Variants in AMD1 observed in about 807,000 individuals in gnomAD.
AMD1 encodes S-adenosylmethionine decarboxylase proenzyme.
A neutral mutation model predicts 40.2 loss-of-function variants in AMD1; 11 were observed. The ratio of observed to expected loss-of-function variants is 0.27; its 90% CI spans 0.17 to 0.45. AMD1 has a LOEUF of 0.45. Among genes scored for constraint, AMD1 ranks in the 20% least tolerant of loss-of-function variants. The pLI is 1.00. For missense variants in AMD1, 257 were observed against 410.2 expected, an observed-to-expected ratio of 0.63 and a Z score of 3.23; for synonymous variants, 121 against 130.8, an observed-to-expected ratio of 0.93 and a Z score of 0.51.
rs1470541573 is a variant in AMD1 at position 110,892,151 on chromosome 6, C to G, written c.428-10C>G. On this transcript the variant is annotated splice_polypyrimidine_tract_variant and intron_variant, in intron 4 of 8. Transcript: ENST00000368885. ...TGTTATATTTATTTTGCGTTCTCTT[C>G]CCTCAACAGATGGAGCAGCATATTG... 2 of 1,613,350 alleles carry G rather than the reference C, an allele frequency of 1.2e-6. No individual in the cohort carries two copies. The highest frequency in any genetic ancestry group is 1.7e-6 in the Non-Finnish European group (2 of 1,179,976).
chr6:110,826,271 C>CCA, the AMD1 span, among the ~76,000 whole-genome samples: 1 of 59,346 alleles, frequency 1.7e-5, no homozygotes, highest in African/African-American at 6.9e-5. Context: ...GACACCATCC[C>CCA]AAAAAAAAAA....
rs1027040848 is a variant in AMD1 at position 110,894,493 on chromosome 6, A to G, written c.*877A>G. On this transcript the variant is annotated 3_prime_UTR_variant, in exon 9 of 9. Transcript: ENST00000368885. ...GAGTTGTAGATTGAGATTAGGGTGT[A>G]CTGGCTGAACTGTGGAAAACATACA... The G allele has an allele frequency of 6.6e-6, 1 of 152,246 alleles. No homozygotes were observed. Among genetic ancestry groups the G allele is most frequent in the African/African-American group, 2.4e-5 (1 of 41,470 alleles). The allele number at this position is 152,246 out of a possible 1,614,324, so 9.4% of individuals were successfully genotyped here. A position where few individuals can be genotyped will look rare whatever the true frequency, so the allele number is the denominator to read the frequency against.
chr6:110,890,152 C>T (rs555342394), intron 3 of AMD1, 102 bp from the exon 4 acceptor site: 19 of 841,244 alleles, frequency 2.3e-5, no homozygotes, highest in Admixed American at 1.7e-4. Flanking sequence ...TTGATTTTGC[C>T]GAGTTTTTGA....
At chr6:110,823,777 GA>G in the AMD1 span, among the ~76,000 whole-genome samples, 1 of 151,930 alleles carries the variant, frequency 6.6e-6, no homozygotes, top group East Asian at 1.9e-4. Flanking sequence ...TACAATATCT[GA>G]AAAAAATAAA....
chr6:110,834,593 C>A, the AMD1 span, among the ~76,000 whole-genome samples: 1 of 151,938 alleles, frequency 6.6e-6, no homozygotes, highest in Non-Finnish European at 1.5e-5. Context: ...AAGGCCAAGG[C>A]AGGAAGATTG....
chr6:110,832,920 A>G, the AMD1 span, among the ~76,000 whole-genome samples: 1 of 152,146 alleles, frequency 6.6e-6, no homozygotes, highest in Non-Finnish European at 1.5e-5. Context: ...TCCCAGGTTC[A>G]AGTGATTCTC....
chr6:110,855,309 T>C, the AMD1 span, among the ~76,000 whole-genome samples: 1 of 152,102 alleles, frequency 6.6e-6, no homozygotes, highest in African/African-American at 2.4e-5. Context: ...TACCAAAAAA[T>C]TGATGGTTAG....
At chr6:110,818,517 A>G in the AMD1 span, among the ~76,000 whole-genome samples, 7 of 151,536 alleles carry the variant, frequency 4.6e-5, no homozygotes, top group African/African-American at 1.5e-4. Context: ...TGATTCCAGT[A>G]TCTTATTTAT....
At position 110,876,106 on chromosome 6, in the gene AMD1, C is replaced by G. The variant is rs922043280; in HGVS notation, c.110+891C>G. Reference sequence around the variant, plus strand: ...TGAGCAAAGGAATCTGGGGCCCACTCCCACTGCGGGCCGTCACGCGAGAGA... The same window carrying G: ...TGAGCAAAGGAATCTGGGGCCCACTGCCACTGCGGGCCGTCACGCGAGAGA... On this transcript the variant is annotated intron_variant, in intron 1 of 8. Coordinates refer to ENST00000368885, the MANE Select transcript of AMD1 (RefSeq NM_001634.6). Among the ~76,000 whole-genome samples, 3 of 152,332 alleles carry G rather than the reference C, an allele frequency of 2.0e-5. No individual in the cohort carries two copies. The South Asian group carries it at 6.2e-4, about 32-fold the overall frequency.
the AMD1 span, chr6:110,858,938 C>G: frequency 9.1e-6 from 9 of 992,522 alleles, no homozygotes; most frequent in East Asian, 4.7e-5. Context: ...AGCTGGGAAC[C>G]GACAAGTGTG....
At chr6:110,892,547 G>A (rs1249194743) in intron 6 of AMD1, 104 bp downstream of exon 6, 1 of 1,519,218 alleles carries the variant, frequency 6.6e-7, no homozygotes, top group East Asian at 2.3e-5. Context: ...GTGCTAGTTT[G>A]TTACATAGGT....
At chr6:110,822,977 G>A in the AMD1 span, among the ~76,000 whole-genome samples, 8 of 152,016 alleles carry the variant, frequency 5.3e-5, no homozygotes, top group South Asian at 2.1e-4. Flanking sequence ...TTAGCTGGGC[G>A]TAGTGGCGCA....
chr6:110,830,608 G>C, the AMD1 span, among the ~76,000 whole-genome samples: 1 of 152,220 alleles, frequency 6.6e-6, no homozygotes, highest in Non-Finnish European at 1.5e-5. Flanking sequence ...AACTGCCCCT[G>C]AGCTGCTACT....
At chr6:110,815,162 G>A in the AMD1 span, 1 of 1,564,438 alleles carries the variant, frequency 6.4e-7, no homozygotes, top group Non-Finnish European at 8.6e-7. Context: ...TAGAGGCACG[G>A]GACGCGGGGG....
chr6:110,853,410 C>T, the AMD1 span, among the ~76,000 whole-genome samples: 3 of 151,956 alleles, frequency 2.0e-5, no homozygotes, highest in South Asian at 2.1e-4. Flanking sequence ...CGGGTTCAAG[C>T]GACCCTCCTG....
chr6:110,892,198 C>G lies in AMD1; in HGVS notation c.465C>G (p.Asp155Glu). The change falls in exon 5 of 9, where the codon GAC becomes GAG. Residue 155 changes from aspartate (D) to glutamate (E), a missense_variant. By Grantham distance (45) the Asp-to-Glu change is conservative (BLOSUM62 2). Transcript: ENST00000368885. Reference sequence around the variant, plus strand: ...ATTGTATGGGACGTATGAATTCTGACTGTTGGTATGTTTAATGCAATTTTG... The same window carrying G: ...ATTGTATGGGACGTATGAATTCTGAGTGTTGGTATGTTTAATGCAATTTTG... ...AAYCMGRMNS[D>E]CWYLYTLDFP... 6.2e-7 allele frequency: 1 copy of G among 1,614,072 alleles called. No homozygotes were observed. Among genetic ancestry groups the G allele is most frequent in the Admixed American group, 1.7e-5 (1 of 60,026 alleles).
intron 1 of AMD1, among the ~76,000 whole-genome samples, chr6:110,877,233 C>T (rs1338627025): frequency 6.6e-6 from 1 of 152,204 alleles, no homozygotes; most frequent in Non-Finnish European, 1.5e-5. Context: ...TAGTACACTG[C>T]CACATTGTAA....
At chr6:110,877,952 T>G (rs1279910215) in intron 1 of AMD1, among the ~76,000 whole-genome samples, 2 of 152,186 alleles carry the variant, frequency 1.3e-5, no homozygotes, top group African/African-American at 4.8e-5. Context: ...GCATTAGTAT[T>G]GATGCTAAAG....
At chr6:110,816,974 A>G in the AMD1 span, among the ~76,000 whole-genome samples, 90 of 152,318 alleles carry the variant, frequency 5.9e-4, no homozygotes, top group African/African-American at 2.1e-3. Flanking sequence ...ACTCTTGTGC[A>G]TACATACGTA....
Sources: allele counts gnomAD v4.1 joint callset (sites outside exome capture counted in the v4.1 genomes callset), GRCh38; gene constraint gnomAD v4.1.1; transcripts MANE v1.5; gene names NCBI Gene and HGNC (gene_info 2026-07-23, HGNC 2026-07-21).